The following TENM3 variants were observed in gnomAD, a reference collection of about 807,000 sequenced individuals.
TENM3 encodes teneurin transmembrane protein 3.
In TENM3, 63 loss-of-function variants were observed where a neutral mutation model predicts 255.1. The observed-to-expected ratio is 0.25, with a 90% CI of 0.20 to 0.30. The LOEUF (loss-of-function observed/expected upper bound fraction) is 0.30. Ranked by LOEUF, TENM3 falls within the 10% of genes least tolerant of loss-of-function variation. TENM3 has a pLI of 1.00. For synonymous variants in TENM3, 1,306 were observed against 1,322.3 expected (o/e 0.99, Z 0.27); for missense variants, 2,929 against 3,461.1 (o/e 0.85, Z 3.86).
At chr4:182,243,954 T>TC (rs1757468618) in intron 1 of TENM3, among the ~76,000 whole-genome samples, 2 of 136,588 alleles carry the variant, frequency 1.5e-5, no homozygotes, top group South Asian at 5.0e-4. Flanking sequence ...TTCTTTTTTT[T>TC]TTTTTTTTTT....
At chr4:181,654,570 A>C in the TENM3 span, among the ~76,000 whole-genome samples, 1 of 152,154 alleles carries the variant, frequency 6.6e-6, no homozygotes, top group East Asian at 1.9e-4. Context: ...CCTGGCCAAC[A>C]TGGTGAAACC....
At chr4:182,376,345 TGG>T (rs1215040052) in intron 3 of TENM3, among the ~76,000 whole-genome samples, 2 of 152,194 alleles carry the variant, frequency 1.3e-5, no homozygotes, top group Admixed American at 6.5e-5. Context: ...TTTTGTCACC[TGG>T]GAGTAATTTT....
intron 5 of TENM3, among the ~76,000 whole-genome samples, chr4:182,633,348 G>A (rs4566698): frequency 2.0e-5 from 3 of 152,302 alleles, no homozygotes; most frequent in South Asian, 4.1e-4. Flanking sequence ...GTCCAAATTA[G>A]CTCTTCATTC....
the TENM3 span, among the ~76,000 whole-genome samples, chr4:181,623,845 G>T: frequency 6.6e-6 from 1 of 152,170 alleles, no homozygotes; most frequent in Non-Finnish European, 1.5e-5. Flanking sequence ...GACACAAAAT[G>T]AGCTTAAAAG....
intron 3 of TENM3, among the ~76,000 whole-genome samples, chr4:182,401,705 T>C (rs1769223000): frequency 6.6e-6 from 1 of 152,224 alleles, no homozygotes; most frequent in Non-Finnish European, 1.5e-5. Context: ...TATTTATCTG[T>C]TTTAAATTGC....
the TENM3 span, among the ~76,000 whole-genome samples, chr4:181,469,985 T>A: frequency 5.2e-4 from 79 of 152,076 alleles, 1 homozygote; most frequent in South Asian, 4.2e-4. Flanking sequence ...TCGACATGAT[T>A]CATCTCAGAT....
the TENM3 span, among the ~76,000 whole-genome samples, chr4:181,498,066 T>C: frequency 6.6e-6 from 1 of 152,198 alleles, no homozygotes; most frequent in Admixed American, 6.5e-5. Context: ...CTCAAGTTTA[T>C]AGGTGATATA....
chr4:181,936,117 T>C, the TENM3 span, among the ~76,000 whole-genome samples: 2 of 152,242 alleles, frequency 1.3e-5, no homozygotes, highest in South Asian at 4.1e-4. Flanking sequence ...CAGGGCTGGA[T>C]GCAGTGGCTC....
intron 7 of TENM3, among the ~76,000 whole-genome samples, chr4:182,673,795 TAC>T (rs1276616280): frequency 1.3e-5 from 2 of 152,188 alleles, no homozygotes; most frequent in Non-Finnish European, 2.9e-5. Context: ...GTCAGTGTGG[TAC>T]ACAAGACAAT....
chr4:182,194,233 G>C (rs1753701790), intron 1 of TENM3, among the ~76,000 whole-genome samples: 1 of 151,886 alleles, frequency 6.6e-6, no homozygotes, highest in African/African-American at 2.4e-5. Context: ...TCCTTGATCC[G>C]AGCTGCTTTT....
chr4:181,532,270 A>G, the TENM3 span, among the ~76,000 whole-genome samples: 1 of 152,164 alleles, frequency 6.6e-6, no homozygotes, highest in African/African-American at 2.4e-5. Context: ...CTTTAGGACT[A>G]AGATGTAGAC....
rs1223781951 is a variant in TENM3 at position 182,497,746 on chromosome 4, T to G, written c.512-103178T>G. Among the ~76,000 whole-genome samples, 9 of 151,916 alleles carry G rather than the reference T, an allele frequency of 5.9e-5. 1 individual carries two copies. The highest frequency in any genetic ancestry group is 4.6e-4 in the Admixed American group (7 of 15,260). Reference sequence around the variant, plus strand: ...GTCCATTAGCTGTCAAGTTTTATTCTTCTTCATAAAAAGCAATCAGAGGTA... The same window carrying G: ...GTCCATTAGCTGTCAAGTTTTATTCGTCTTCATAAAAAGCAATCAGAGGTA... On this transcript the variant is annotated intron_variant, in intron 3 of 27. Transcript: ENST00000511685.
intron 1 of TENM3, among the ~76,000 whole-genome samples, chr4:182,235,339 A>G (rs528926819): frequency 6.6e-6 from 1 of 152,344 alleles, no homozygotes; most frequent in South Asian, 2.1e-4. Flanking sequence ...ATATGTGGTT[A>G]GGCGTGGTCT....
intron 24 of TENM3, among the ~76,000 whole-genome samples, chr4:182,781,841 T>C (rs1765194100): frequency 6.6e-6 from 1 of 151,460 alleles, no homozygotes; most frequent in African/African-American, 2.4e-5. Context: ...TTTATTTGTG[T>C]AGAGGTGTTT....
Position 182,793,186 on chromosome 4 carries a change from C to A in TENM3, c.6514C>A (p.Pro2172Thr), listed in dbSNP as rs1239012549. ...LNPSNSARLT[P>T]LRYDLRDRIT... ...CCCAAGTAACAGTGCGCGTCTGACA[C>A]CCCTTCGCTATGACCTGCGAGACAG... The change falls in exon 26 of 28, where the codon CCC becomes ACC. Residue 2172 changes from proline to threonine, a missense_variant. Pro to Thr is a conservative substitution (Grantham distance 38). This residue lies in a region of TENM3 where 256 missense variants were observed against 389.3 expected (regional missense o/e 0.66). Coordinates refer to ENST00000511685, the MANE Select transcript of TENM3 (RefSeq NM_001080477.4). This position sits in a 1 kb window ranked among gnomAD's most constrained non-coding sequence, Gnocchi z 5.7. The A allele has an allele frequency of 6.2e-7, 1 of 1,613,988 alleles. No individual in the cohort carries two copies.
the TENM3 span, among the ~76,000 whole-genome samples, chr4:181,766,766 A>AAAAAC: frequency 6.6e-6 from 1 of 152,020 alleles, no homozygotes; most frequent in Non-Finnish European, 1.5e-5. Context: ...AAAAAAAAAA[A>AAAAAC]AGCAAAATTC....
chr4:182,569,143 T>A (rs1188097906), intron 3 of TENM3, among the ~76,000 whole-genome samples: 1 of 152,218 alleles, frequency 6.6e-6, no homozygotes, highest in Admixed American at 6.5e-5. Context: ...TACTGTATGT[T>A]AATTACACCT....
chr4:181,525,396 C>CAAAAAAAAAAAAAAAAAAAAAAAAA, the TENM3 span, among the ~76,000 whole-genome samples: 58 of 97,284 alleles, frequency 6.0e-4, 1 homozygote, highest in Non-Finnish European at 9.7e-4. Context: ...GACCCTGTTT[C>CAAAAAAAAAAAAAAAAAAAAAAAAA]AAAAAAAAAA....
chr4:182,498,788 G>A (rs1029485349), intron 3 of TENM3, among the ~76,000 whole-genome samples: 1 of 152,168 alleles, frequency 6.6e-6, no homozygotes, highest in African/African-American at 2.4e-5. Flanking sequence ...CCTGGAGGCG[G>A]AGGTTGCAGT....
Sources: gnomAD v4.1 joint callset for allele counts (sites outside exome capture counted in the v4.1 genomes callset) on GRCh38, gnomAD v4.1.1 for gene constraint, gnomAD v4.1.1 regional missense constraint, Gnocchi (gnomAD v3.1) non-coding constraint, MANE v1.5 for transcripts, NCBI Gene and HGNC (gene_info 2026-07-23, HGNC 2026-07-21) for gene names.